Variants in XKR9 observed in about 807,000 individuals in gnomAD.
XKR9 encodes XK related 9.
A neutral mutation model predicts 32.0 loss-of-function variants in XKR9; 32 were observed. The observed-to-expected ratio is 1.00, with a 90% CI of 0.76 to 1.34. The LOEUF is 1.34. Ranked by LOEUF, XKR9 falls within the 40% of genes most tolerant of loss-of-function variation. The pLI is 0.00. For synonymous variants in XKR9, 168 were observed against 143.4 expected (o/e 1.17, Z -1.22); for missense variants, 546 against 429.7 (o/e 1.27, Z -2.39).
At chr8:70,713,631 A>G (rs1805993163) in intron 4 of XKR9, among the ~76,000 whole-genome samples, 1 of 151,804 alleles carries the variant, frequency 6.6e-6, no homozygotes, top group Non-Finnish European at 1.5e-5. Flanking sequence ...TTCTAAATGA[A>G]TATTGGCATT....
At chr8:70,951,970 G>T in the XKR9 span, among the ~76,000 whole-genome samples, 1 of 151,984 alleles carries the variant, frequency 6.6e-6, no homozygotes, top group Non-Finnish European at 1.5e-5. Context: ...ATCCTTCTGT[G>T]ATAAAACAAT....
the XKR9 span, among the ~76,000 whole-genome samples, chr8:70,924,480 C>G: frequency 6.6e-6 from 1 of 152,206 alleles, no homozygotes; most frequent in Non-Finnish European, 1.5e-5. Context: ...CATCCTCTAA[C>G]TCTTAACCTA....
At chr8:70,684,521 G>A (rs1003268857) in intron 3 of XKR9, among the ~76,000 whole-genome samples, 9 of 151,580 alleles carry the variant, frequency 5.9e-5, no homozygotes, top group South Asian at 2.1e-4. Flanking sequence ...ATTTTGAACT[G>A]TTATCTGGAT....
downstream of XKR9, among the ~76,000 whole-genome samples, chr8:70,793,837 G>A (rs1231672739): frequency 6.6e-6 from 1 of 151,478 alleles, no homozygotes; most frequent in Non-Finnish European, 1.5e-5. Flanking sequence ...GCCTGTTTTG[G>A]AACTCCTATA....
the XKR9 span, among the ~76,000 whole-genome samples, chr8:71,027,331 C>T: frequency 1.3e-5 from 2 of 148,734 alleles, no homozygotes; most frequent in African/African-American, 4.9e-5. Context: ...CCAAAGGATC[C>T]TCTTTACAGT....
At chr8:71,058,967 A>AAAC in the XKR9 span, among the ~76,000 whole-genome samples, 1 of 152,250 alleles carries the variant, frequency 6.6e-6, no homozygotes, top group Non-Finnish European at 1.5e-5. Context: ...TAGAAGAAAT[A>AAAC]AACTAATTGC....
chr8:70,738,315 G>C (rs1312493834), downstream of XKR9, among the ~76,000 whole-genome samples: 1 of 143,522 alleles, frequency 7.0e-6, no homozygotes. Context: ...CGGTGGTGAT[G>C]TCCCCTTTAT....
intron 2 of XKR9, among the ~76,000 whole-genome samples, chr8:70,751,427 C>T (rs1002764091): frequency 7.9e-5 from 12 of 152,110 alleles, no homozygotes; most frequent in African/African-American, 2.9e-4. Context: ...CCGTGCCCGG[C>T]CTGTGATAAT....
chr8:70,813,231 G>A, the XKR9 span, among the ~76,000 whole-genome samples: 1 of 152,162 alleles, frequency 6.6e-6, no homozygotes, highest in East Asian at 1.9e-4. Context: ...GGGAAAACTG[G>A]CTAGCCATAT....
chr8:70,859,541 A>G, the XKR9 span, among the ~76,000 whole-genome samples: 2 of 152,162 alleles, frequency 1.3e-5, no homozygotes, highest in Non-Finnish European at 2.9e-5. Flanking sequence ...AGATACCTGC[A>G]TTCCTATATT....
chr8:70,776,947 C>CTCTCTCTATATATATATATATATATATA, intron 2 of XKR9, among the ~76,000 whole-genome samples: 1 of 54,210 alleles, frequency 1.8e-5, no homozygotes, highest in African/African-American at 7.9e-5. Flanking sequence ...CTCTCTCTCT[C>CTCTCTCTATATATATATATATATATATA]TATATATATA....
At chr8:70,866,158 C>T in the XKR9 span, among the ~76,000 whole-genome samples, 1 of 152,152 alleles carries the variant, frequency 6.6e-6, no homozygotes, top group Non-Finnish European at 1.5e-5. Flanking sequence ...CATTAATTCT[C>T]ACAACATGAT....
intron 2 of XKR9, among the ~76,000 whole-genome samples, chr8:70,763,998 A>G (rs573593412): frequency 6.6e-6 from 1 of 152,254 alleles, no homozygotes; most frequent in African/African-American, 2.4e-5. Context: ...CTTGACTCTC[A>G]CTGATGCTGC....
At chr8:70,965,451 A>T in the XKR9 span, among the ~76,000 whole-genome samples, 4 of 152,180 alleles carry the variant, frequency 2.6e-5, no homozygotes, top group African/African-American at 2.4e-5. Context: ...TATCAGGATG[A>T]TTCTGGCCTC....
At chr8:70,705,824 GA>G (rs1805699414) in intron 3 of XKR9, among the ~76,000 whole-genome samples, 2 of 152,150 alleles carry the variant, frequency 1.3e-5, no homozygotes, top group Admixed American at 1.3e-4. Context: ...TAGAATCAGA[GA>G]GACCAATTAT....
chr8:70,894,415 G>A, the XKR9 span, among the ~76,000 whole-genome samples: 9 of 152,080 alleles, frequency 5.9e-5, no homozygotes, highest in South Asian at 2.1e-4. Flanking sequence ...GAGTTCTTAC[G>A]CCTGTAGGGT....
intron 3 of XKR9, among the ~76,000 whole-genome samples, chr8:70,697,799 G>GA (rs201625091): frequency 0.059 from 9,021 of 151,738 alleles, no homozygotes; most frequent in Non-Finnish European, 0.084. Context: ...ATTCGGCTGT[G>GA]AATCCATCTG....
chr8:70,755,425 C>T (rs570020222), intron 2 of XKR9, among the ~76,000 whole-genome samples: 1 of 152,044 alleles, frequency 6.6e-6, no homozygotes, highest in East Asian at 1.9e-4. Flanking sequence ...ACCCAAAGGA[C>T]TATAAATCAT....
chr8:70,681,466 T>C, intron 3 of XKR9, 136 bp downstream of exon 3: 1 of 1,070,408 alleles, frequency 9.3e-7, no homozygotes, highest in Non-Finnish European at 1.3e-6. Context: ...TGCTCCTCAC[T>C]ATTGTGCTAA....
Sources: allele counts gnomAD v4.1 joint callset (sites outside exome capture counted in the v4.1 genomes callset), GRCh38; gene constraint gnomAD v4.1.1; transcripts MANE v1.5; gene names NCBI Gene and HGNC (gene_info 2026-07-23, HGNC 2026-07-21).